The following PDS5B variants were observed in gnomAD, a reference collection of about 807,000 sequenced individuals.
PDS5B encodes the protein sister chromatid cohesion protein PDS5 homolog B.
A neutral mutation model predicts 184.1 loss-of-function variants in PDS5B; 51 were observed. The ratio of observed to expected loss-of-function variants is 0.28; its 90% CI spans 0.22 to 0.35. PDS5B has a LOEUF of 0.35. Ranked by LOEUF, PDS5B falls within the 10% of genes least tolerant of loss-of-function variation. The pLI, the probability that PDS5B is intolerant of heterozygous loss-of-function variation, is 1.00. For synonymous variants in PDS5B, 566 were observed against 569.2 expected (o/e 0.99, Z 0.08); for missense variants, 1,180 against 1,723.3 (o/e 0.68, Z 5.58).
chr13:32,678,648 A>G (rs533034593), intron 9 of PDS5B, among the ~76,000 whole-genome samples, 187 bp from the exon 10 acceptor site: 5 of 152,328 alleles, frequency 3.3e-5, no homozygotes, highest in Admixed American at 1.3e-4. Context: ...TCTAGTTTGT[A>G]TAGAGTTTCC....
chr13:32,728,753 C>G (rs955824192), intron 19 of PDS5B, among the ~76,000 whole-genome samples: 2 of 152,122 alleles, frequency 1.3e-5, no homozygotes, highest in African/African-American at 4.8e-5. Context: ...GCTACCTGTT[C>G]CCTAGTGTCT....
At chr13:32,607,780 C>G (rs995924852) in intron 1 of PDS5B, among the ~76,000 whole-genome samples, 2 of 152,236 alleles carry the variant, frequency 1.3e-5, no homozygotes, top group Non-Finnish European at 2.9e-5. Context: ...CTCCCCCAGC[C>G]TCACTGCTGC....
chr13:32,634,324 T>C (rs568632770), intron 1 of PDS5B, among the ~76,000 whole-genome samples: 8 of 152,346 alleles, frequency 5.3e-5, no homozygotes, highest in Middle Eastern at 3.4e-3. Flanking sequence ...TTCACCAATA[T>C]GTGCACATGT....
chr13:32,636,020 CGGCCTCCCAA>C (rs751476680), intron 1 of PDS5B, among the ~76,000 whole-genome samples: 8 of 151,954 alleles, frequency 5.3e-5, no homozygotes, highest in Non-Finnish European at 1.0e-4. Flanking sequence ...CTGCCTCCCT[CGGCCTCCCAA>C]AGTGCTGGGA....
chr13:32,764,038 A>C (rs1021490997), intron 30 of PDS5B, among the ~76,000 whole-genome samples: 26 of 135,044 alleles, frequency 1.9e-4, no homozygotes, highest in Non-Finnish European at 3.0e-4. Flanking sequence ...ATTGATTGAC[A>C]CAAGATTCAT....
chr13:32,770,166 G>C lies in PDS5B; in HGVS notation c.3670G>C (p.Glu1224Gln). Residue 1224 changes from glutamate (E) to glutamine (Q), a missense_variant, in exon 32 of 35, where the codon GAA (glutamate) becomes CAA (glutamine). By Grantham distance (29) the Glu-to-Gln change is conservative (BLOSUM62 2). Transcript: ENST00000315596. ...AGGCAGGAAAAAAACGCCCGTCACA[G>C]AACAGGAGGAGAAATTAGGTATGGA... ...PRGRKKTPVT[E>Q]QEEKLGMDDL... 1 of 1,613,728 alleles carries C rather than the reference G, an allele frequency of 6.2e-7. No homozygotes were observed. The highest frequency in any genetic ancestry group is 8.5e-7 in the Non-Finnish European group (1 of 1,179,966).
chr13:32,770,585 C>T (rs778030082), intron 32 of PDS5B, 25 bp downstream of exon 32: 1 of 1,600,470 alleles, frequency 6.2e-7, no homozygotes, highest in South Asian at 1.1e-5. Flanking sequence ...CTCTAAACTG[C>T]ATCTGTTTCG....
At chr13:32,614,922 T>C (rs2058196029) in intron 1 of PDS5B, among the ~76,000 whole-genome samples, 1 of 152,224 alleles carries the variant, frequency 6.6e-6, no homozygotes, top group Non-Finnish European at 1.5e-5. Context: ...CCAGTAGAGA[T>C]TGATTGAGCT....
At chr13:32,724,498 GT>G (rs1226436781) in intron 19 of PDS5B, among the ~76,000 whole-genome samples, 1 of 152,144 alleles carries the variant, frequency 6.6e-6, no homozygotes, top group Non-Finnish European at 1.5e-5. Context: ...CAGGAATCAG[GT>G]TGTTTCTCTT....
At chr13:32,647,012 T>A (rs1950245330) in intron 1 of PDS5B, among the ~76,000 whole-genome samples, 1 of 152,116 alleles carries the variant, frequency 6.6e-6, no homozygotes, top group African/African-American at 2.4e-5. Context: ...TGCTCTAAAT[T>A]TTGTTTGTTT....
At chr13:32,671,568 T>G (rs614770) in intron 7 of PDS5B, among the ~76,000 whole-genome samples, 24,173 of 152,102 alleles carry the variant, frequency 0.16, 2,160 homozygotes, top group South Asian at 0.33. Context: ...CCCATAAAAT[T>G]GATAAATAGG....
chr13:32,663,950 TATAA>T (rs1321753338), intron 6 of PDS5B, among the ~76,000 whole-genome samples: 2 of 152,206 alleles, frequency 1.3e-5, no homozygotes, highest in African/African-American at 4.8e-5. Flanking sequence ...TGTTTCCACT[TATAA>T]ATGAGAACAC....
At chr13:32,769,989 T>C in intron 31 of PDS5B, 132 bp from the exon 32 acceptor site, 1 of 659,556 alleles carries the variant, frequency 1.5e-6, no homozygotes, top group Non-Finnish European at 2.5e-6. Context: ...ACAGTTCTGG[T>C]GTATTTAAGA....
chr13:32,670,362 A>G (rs1228273031), intron 7 of PDS5B, among the ~76,000 whole-genome samples: 2 of 152,112 alleles, frequency 1.3e-5, no homozygotes, highest in African/African-American at 4.8e-5. Flanking sequence ...GACTACAGGA[A>G]TGAAACACCA....
chr13:32,610,719 C>G (rs942462413), intron 1 of PDS5B, among the ~76,000 whole-genome samples: 3 of 151,734 alleles, frequency 2.0e-5, no homozygotes, highest in African/African-American at 4.8e-5. Context: ...AGTCCTGGCT[C>G]TCCCCTTACT....
In PDS5B at chr13:32,776,773, T is replaced by A. The variant is rs576172130; in HGVS notation, c.*1721T>A. 1 of 152,666 alleles carries A rather than the reference T, an allele frequency of 6.6e-6. No individual in the cohort carries two copies. The highest frequency in any genetic ancestry group is 1.5e-5 in the Non-Finnish European group (1 of 67,922). The allele number at this position is 152,666 out of a possible 1,614,324, so 9.5% of individuals were successfully genotyped here. On this transcript the variant is annotated 3_prime_UTR_variant, in exon 35 of 35. Transcript: ENST00000315596. The stretch of plus-strand genomic sequence containing the variant: ...CATTTTACTATTTGCCAATGTATAT[T>A]GCAATTGATGTGATTATTTTTCTTT...
At chr13:32,609,303 G>A (rs2140504408) in intron 1 of PDS5B, among the ~76,000 whole-genome samples, 1 of 152,188 alleles carries the variant, frequency 6.6e-6, no homozygotes, top group South Asian at 2.1e-4. Flanking sequence ...TTAGATTGTT[G>A]TAGAAAAGGT....
At chr13:32,741,769 T>C (rs1157338694) in intron 22 of PDS5B, among the ~76,000 whole-genome samples, 1 of 151,456 alleles carries the variant, frequency 6.6e-6, no homozygotes, top group Admixed American at 6.6e-5. Flanking sequence ...TATTACGAAC[T>C]ACCTTTTCAC....
chr13:32,768,250 G>T (rs1954646937), intron 31 of PDS5B, among the ~76,000 whole-genome samples: 2 of 152,170 alleles, frequency 1.3e-5, no homozygotes, highest in South Asian at 4.1e-4. Context: ...CTGGGTTACA[G>T]ATGCCACCTT....
Sources: gnomAD v4.1 joint callset for allele counts (sites outside exome capture counted in the v4.1 genomes callset) on GRCh38, gnomAD v4.1.1 for gene constraint, MANE v1.5 for transcripts, NCBI Gene and HGNC (gene_info 2026-07-23, HGNC 2026-07-21) for gene names.